TMEM178B: variants seen among roughly 807,000 people sequenced by gnomAD.
TMEM178B encodes transmembrane protein 178B.
A neutral mutation model predicts 31.0 loss-of-function variants in TMEM178B; 5 were observed. That is an observed-to-expected ratio of 0.16 (90% CI 0.08 to 0.34). The LOEUF is 0.34. TMEM178B is among the 10% of genes least tolerant of loss of function. The pLI is 1.00. For synonymous variants in TMEM178B, 164 were observed against 164.0 expected (o/e 1.00, Z 0.00); for missense variants, 275 against 400.3 (o/e 0.69, Z 2.67).
At chr7:141,092,192 G>A (rs534550176) in intron 1 of TMEM178B, among the ~76,000 whole-genome samples, 8 of 152,152 alleles carry the variant, frequency 5.3e-5, no homozygotes, top group African/African-American at 1.9e-4. Flanking sequence ...AGTAATTCTT[G>A]GTTACCCTAC....
intron 2 of TMEM178B, among the ~76,000 whole-genome samples, chr7:141,337,608 T>C (rs1301361667): frequency 6.6e-6 from 1 of 152,204 alleles, no homozygotes; most frequent in Non-Finnish European, 1.5e-5. Flanking sequence ...AGTTAATAAG[T>C]GGTGATGAAG....
intron 2 of TMEM178B, among the ~76,000 whole-genome samples, chr7:141,340,069 G>A (rs1209447197): frequency 6.6e-6 from 1 of 152,254 alleles, no homozygotes; most frequent in East Asian, 1.9e-4. Context: ...ATCTTACATG[G>A]AAAAGAGGAC....
At chr7:141,194,505 T>C (rs1796750007) in intron 1 of TMEM178B, among the ~76,000 whole-genome samples, 1 of 152,192 alleles carries the variant, frequency 6.6e-6, no homozygotes, top group Admixed American at 6.5e-5. Context: ...CCAGGTCATG[T>C]TGATGCTAGA....
chr7:141,257,789 T>A (rs1041278110), intron 2 of TMEM178B, among the ~76,000 whole-genome samples: 1 of 152,014 alleles, frequency 6.6e-6, no homozygotes, highest in Non-Finnish European at 1.5e-5. Context: ...AGATGGACAG[T>A]CTCTGCCTTT....
At chr7:141,393,509 C>T (rs981811434) in intron 2 of TMEM178B, among the ~76,000 whole-genome samples, 8 of 152,144 alleles carry the variant, frequency 5.3e-5, no homozygotes, top group Admixed American at 4.6e-4. Flanking sequence ...GTGGCTAAGA[C>T]GTCAGGAGCA....
chr7:141,353,522 C>T (rs1799769932), intron 2 of TMEM178B, among the ~76,000 whole-genome samples: 2 of 152,200 alleles, frequency 1.3e-5, no homozygotes, highest in African/African-American at 2.4e-5. Context: ...CACTTGTCTG[C>T]CTATAGCCTG....
At chr7:141,408,653 G>A (rs1800928691) in intron 2 of TMEM178B, among the ~76,000 whole-genome samples, 2 of 152,292 alleles carry the variant, frequency 1.3e-5, no homozygotes, top group South Asian at 2.1e-4. Flanking sequence ...TGAGCATGGG[G>A]GCAGAGAGAA....
chr7:141,456,969 A>G (rs1438827308), intron 3 of TMEM178B, among the ~76,000 whole-genome samples: 1 of 152,206 alleles, frequency 6.6e-6, no homozygotes, highest in Non-Finnish European at 1.5e-5. Context: ...AGAAGCTGCA[A>G]AGATTCACTT....
chr7:141,248,144 C>A (rs947339136), intron 2 of TMEM178B, among the ~76,000 whole-genome samples: 9 of 152,118 alleles, frequency 5.9e-5, no homozygotes, highest in Admixed American at 1.3e-4. Flanking sequence ...GGCACAGTAG[C>A]TCACGCCTGC....
chr7:141,256,237 C>T (rs988965613), intron 2 of TMEM178B, among the ~76,000 whole-genome samples: 1 of 152,154 alleles, frequency 6.6e-6, no homozygotes, highest in Non-Finnish European at 1.5e-5. Context: ...AGACCATAAA[C>T]AAGTAAACTT....
chr7:141,407,987 C>T (rs1259593534), intron 2 of TMEM178B, among the ~76,000 whole-genome samples: 2 of 152,152 alleles, frequency 1.3e-5, no homozygotes, highest in African/African-American at 4.8e-5. Flanking sequence ...AGGCAGGTCT[C>T]CTTTTCCAGA....
intron 1 of TMEM178B, among the ~76,000 whole-genome samples, chr7:141,139,736 C>T (rs1010165607): frequency 2.0e-5 from 3 of 151,876 alleles, no homozygotes; most frequent in Non-Finnish European, 4.4e-5. Context: ...AAACTAAACT[C>T]CTGTTACTTC....
chr7:141,180,201 C>T (rs1410528994), intron 1 of TMEM178B, among the ~76,000 whole-genome samples: 1 of 152,036 alleles, frequency 6.6e-6, no homozygotes, highest in African/African-American at 2.4e-5. Context: ...AAAACACAGG[C>T]CAGGCGTGGT....
chr7:141,302,804 G>T (rs1054351225), intron 2 of TMEM178B, among the ~76,000 whole-genome samples: 2 of 152,180 alleles, frequency 1.3e-5, no homozygotes, highest in African/African-American at 2.4e-5. Context: ...AATTAGAAAA[G>T]ATTTCTCTGT....
intron 2 of TMEM178B, among the ~76,000 whole-genome samples, chr7:141,434,225 A>G (rs555900199): frequency 6.6e-6 from 1 of 152,116 alleles, no homozygotes; most frequent in Non-Finnish European, 1.5e-5. Context: ...GCCAAGGTGG[A>G]CACCTCTTAT....
intron 2 of TMEM178B, among the ~76,000 whole-genome samples, chr7:141,423,060 A>C (rs867108285): frequency 2.6e-5 from 4 of 152,298 alleles, no homozygotes; most frequent in Middle Eastern, 6.8e-3. Context: ...TTTATTTTGC[A>C]ATGGAGTCTT....
intron 2 of TMEM178B, among the ~76,000 whole-genome samples, chr7:141,321,957 A>G (rs566234775): frequency 2.6e-5 from 4 of 151,616 alleles, no homozygotes; most frequent in African/African-American, 9.7e-5. Context: ...TGTGCTCATC[A>G]CTATTACTGC....
intron 2 of TMEM178B, among the ~76,000 whole-genome samples, chr7:141,309,892 G>A (rs914308157): frequency 1.3e-5 from 2 of 152,006 alleles, no homozygotes; most frequent in South Asian, 2.1e-4. Context: ...TTTAAAAAAT[G>A]TCCAATTTAA....
chr7:141,094,049 G>A (rs1052253763), intron 1 of TMEM178B, among the ~76,000 whole-genome samples: 6 of 152,170 alleles, frequency 3.9e-5, no homozygotes, highest in African/African-American at 1.4e-4. Context: ...ATAAATAAAA[G>A]CATAGTTGTA....
Sources: gnomAD v4.1 joint callset for allele counts (sites outside exome capture counted in the v4.1 genomes callset) on GRCh38, gnomAD v4.1.1 for gene constraint, MANE v1.5 for transcripts, NCBI Gene and HGNC (gene_info 2026-07-23, HGNC 2026-07-21) for gene names.